LRMDA: variants seen among roughly 807,000 people sequenced by gnomAD.
LRMDA encodes the protein leucine-rich melanocyte differentiation-associated protein.
A neutral mutation model predicts 29.8 loss-of-function variants in LRMDA; 18 were observed. The observed-to-expected ratio is 0.60, with a 90% CI of 0.42 to 0.90. The LOEUF (loss-of-function observed/expected upper bound fraction) is 0.90, where lower values mean the gene tolerates loss of function less well. Ranked by LOEUF, LRMDA falls within the 40% of genes least tolerant of loss-of-function variation. LRMDA has a pLI of 0.00. For synonymous variants in LRMDA, 125 were observed against 109.4 expected, an observed-to-expected ratio of 1.14 and a Z score of -0.89; for missense variants, 273 against 273.9, an observed-to-expected ratio of 1.00 and a Z score of 0.02.
At chr10:75,624,081 A>G (rs915738294) in intron 2 of LRMDA, among the ~76,000 whole-genome samples, 1 of 152,238 alleles carries the variant, frequency 6.6e-6, no homozygotes, top group African/African-American at 2.4e-5. Flanking sequence ...GATGTGAATA[A>G]TTCTGAAAAG....
intron 2 of LRMDA, among the ~76,000 whole-genome samples, chr10:75,936,483 A>G (rs1241903942): frequency 2.0e-5 from 3 of 152,164 alleles, no homozygotes; most frequent in Non-Finnish European, 4.4e-5. Context: ...CTATTTGTAT[A>G]TACAAATACA....
At chr10:75,975,011 C>G (rs933227798) in intron 2 of LRMDA, among the ~76,000 whole-genome samples, 1 of 152,226 alleles carries the variant, frequency 6.6e-6, no homozygotes, top group Non-Finnish European at 1.5e-5. Context: ...CAAGCTATGA[C>G]AGATGATCTA....
At chr10:75,763,284 G>C (rs1425650748) in intron 2 of LRMDA, among the ~76,000 whole-genome samples, 1 of 145,112 alleles carries the variant, frequency 6.9e-6, no homozygotes, top group Non-Finnish European at 1.5e-5. Flanking sequence ...ATCTGTTCCT[G>C]ATGGCCAGAA....
intron 5 of LRMDA, among the ~76,000 whole-genome samples, chr10:76,088,533 C>G (rs2132087782): frequency 6.6e-6 from 1 of 152,268 alleles, no homozygotes; most frequent in East Asian, 1.9e-4. Context: ...GAAACTGACT[C>G]ACAATATCTG....
chr10:75,612,090 T>C (rs1490645727), intron 2 of LRMDA, among the ~76,000 whole-genome samples: 1 of 152,170 alleles, frequency 6.6e-6, no homozygotes. Context: ...TCAAATGCCA[T>C]TTAGTGTGGG....
intron 2 of LRMDA, among the ~76,000 whole-genome samples, chr10:75,511,046 A>G (rs1845220060): frequency 6.6e-6 from 1 of 152,096 alleles, no homozygotes; most frequent in African/African-American, 2.4e-5. Flanking sequence ...CCTTTTATGG[A>G]TTAAAAATAG....
At chr10:75,502,487 T>A (rs1467628418) in intron 2 of LRMDA, among the ~76,000 whole-genome samples, 1 of 152,188 alleles carries the variant, frequency 6.6e-6, no homozygotes, top group African/African-American at 2.4e-5. Context: ...GGCCTCTGTT[T>A]ACTCTTATAC....
chr10:76,169,444 C>T (rs1850796452), intron 5 of LRMDA, among the ~76,000 whole-genome samples: 1 of 152,174 alleles, frequency 6.6e-6, no homozygotes, highest in Non-Finnish European at 1.5e-5. Context: ...CTCTATCCCA[C>T]AGGAGCAGAC....
chr10:75,918,177 A>G (rs969802119), intron 2 of LRMDA, among the ~76,000 whole-genome samples: 1 of 152,244 alleles, frequency 6.6e-6, no homozygotes, highest in Non-Finnish European at 1.5e-5. Context: ...GAGCAAGTAG[A>G]AAATCTGGGA....
At chr10:76,155,541 T>A (rs1346340520) in intron 5 of LRMDA, among the ~76,000 whole-genome samples, 1 of 152,186 alleles carries the variant, frequency 6.6e-6, no homozygotes, top group Non-Finnish European at 1.5e-5. Flanking sequence ...TCATTTCCTT[T>A]CTGAGCTGAG....
intron 5 of LRMDA, among the ~76,000 whole-genome samples, chr10:76,132,190 G>A (rs73285247): frequency 0.015 from 2,299 of 152,166 alleles, 66 homozygotes; most frequent in African/African-American, 0.052. Context: ...GGAACATCAC[G>A]TGCTCTTTAT....
At position 75,456,990 on chromosome 10, in the gene LRMDA, A is replaced by T. The variant is rs541843997; in HGVS notation, c.131+18496A>T. Among the ~76,000 whole-genome samples the T allele has an allele frequency of 4.0e-3, 605 of 152,156 alleles. 4 individuals are homozygous for T. Among genetic ancestry groups the T allele is most frequent in the African/African-American group, 0.014 (574 of 41,524 alleles). ...CTCACGTGGCGGTAAAATGGATTTT[A>T]AAAAAAACATGGTAATTGCTTATTC... is the stretch of plus-strand genomic sequence containing the variant. On this transcript the variant is annotated intron_variant, in intron 2 of 6. Coordinates refer to ENST00000611255, the MANE Select transcript of LRMDA (RefSeq NM_001305581.2).
At chr10:76,344,315 A>G (rs1037157318) in intron 6 of LRMDA, among the ~76,000 whole-genome samples, 2 of 152,216 alleles carry the variant, frequency 1.3e-5, no homozygotes, top group African/African-American at 4.8e-5. Flanking sequence ...GGAATATTAT[A>G]ATCAAACATT....
At chr10:75,970,654 T>A (rs1171537224) in intron 2 of LRMDA, among the ~76,000 whole-genome samples, 1 of 152,154 alleles carries the variant, frequency 6.6e-6, no homozygotes, top group Non-Finnish European at 1.5e-5. Context: ...GGACCAAAAG[T>A]TAGGAGAAAG....
chr10:75,558,485 T>C (rs1177418904), intron 2 of LRMDA, among the ~76,000 whole-genome samples: 1 of 152,194 alleles, frequency 6.6e-6, no homozygotes, highest in Non-Finnish European at 1.5e-5. Flanking sequence ...TCTTATATCT[T>C]TTTGAAATGA....
chr10:76,163,783 G>T (rs1033598515), intron 5 of LRMDA, among the ~76,000 whole-genome samples: 5 of 152,160 alleles, frequency 3.3e-5, no homozygotes, highest in Admixed American at 1.3e-4. Flanking sequence ...TGTAGTATCT[G>T]CTTCCTTCCT....
rs564169892 is a variant in LRMDA, at chr10:76,146,730, G to T, written c.516+87947G>T. Among the ~76,000 whole-genome samples the T allele has an allele frequency of 1.5e-3, 221 of 152,270 alleles. 2 individuals are homozygous for T. The highest frequency in any genetic ancestry group is 5.1e-3 in the African/African-American group (211 of 41,544). On this transcript the variant is annotated intron_variant, in intron 5 of 6. Coordinates refer to ENST00000611255, the MANE Select transcript of LRMDA (RefSeq NM_001305581.2). ...TGTGTGAATTTGATCCTGTCATTAT[G>T]ATGTTAGCTGGTTATTTTGCTTGTT...
chr10:75,856,514 A>G (rs575138359), intron 2 of LRMDA, among the ~76,000 whole-genome samples: 1 of 152,348 alleles, frequency 6.6e-6, no homozygotes, highest in East Asian at 1.9e-4. Context: ...CCTGGGATGC[A>G]AGGCTGGTTC....
chr10:76,110,766 A>G (rs1394770046), intron 5 of LRMDA, among the ~76,000 whole-genome samples: 1 of 152,154 alleles, frequency 6.6e-6, no homozygotes, highest in South Asian at 2.1e-4. Flanking sequence ...AGGCCTCCCC[A>G]GCCATGTGGA....
Sources: gnomAD v4.1 joint callset for allele counts (sites outside exome capture counted in the v4.1 genomes callset) on GRCh38, gnomAD v4.1.1 for gene constraint, MANE v1.5 for transcripts, NCBI Gene and HGNC (gene_info 2026-07-23, HGNC 2026-07-21) for gene names.